WBP2NL: variants seen among roughly 807,000 people sequenced by gnomAD.
WBP2NL encodes WBP2 N-terminal like, also known as postacrosomal sheath WW domain-binding protein.
A neutral mutation model predicts 23.3 loss-of-function variants in WBP2NL; 27 were observed. The observed-to-expected ratio is 1.16, with a 90% confidence interval of 0.85 to 1.60. The LOEUF (loss-of-function observed/expected upper bound fraction) is 1.60. WBP2NL is among the 40% of genes most tolerant of loss of function. The pLI is 0.00. For missense variants in WBP2NL, 370 were observed against 389.5 expected (o/e 0.95, Z 0.42); for synonymous variants, 151 against 145.9 (o/e 1.03, Z -0.25).
chr22:42,039,355 C>T (rs1602476879), intron 8 of WBP2NL, among the ~76,000 whole-genome samples: 1 of 141,166 alleles, frequency 7.1e-6, no homozygotes, highest in Non-Finnish European at 1.5e-5. Context: ...GGATTACAGG[C>T]TTTTTTTTTT....
chr22:42,017,103 C>T (rs1369252882), intron 1 of WBP2NL, among the ~76,000 whole-genome samples: 1 of 152,172 alleles, frequency 6.6e-6, no homozygotes, highest in African/African-American at 2.4e-5. Flanking sequence ...ACCTTCACCT[C>T]TACCTACTGA....
At chr22:42,019,453 A>C (rs368225488) in intron 2 of WBP2NL, 34 bp downstream of exon 2, 22 of 1,594,090 alleles carry the variant, frequency 1.4e-5, no homozygotes, top group Non-Finnish European at 2.6e-6. Context: ...CTGCTGATTA[A>C]CTCTACATTT....
chr22:42,008,917 T>C (rs1230640061), intron 1 of WBP2NL, among the ~76,000 whole-genome samples: 1 of 152,244 alleles, frequency 6.6e-6, no homozygotes, highest in African/African-American at 2.4e-5. Context: ...TAGCTGGGAC[T>C]ACAGGTGTCC....
chr22:42,049,695 CAAAACAAAACAAAAAAAAAAAA>C (rs1209183840), intron 8 of WBP2NL, among the ~76,000 whole-genome samples: 5 of 22,878 alleles, frequency 2.2e-4, no homozygotes, highest in Admixed American at 5.7e-4. Context: ...GTCTCCAAAA[CAAAACAAAACAAAAAAAAAAAA>C]AAAAAAAAAA....
intron 5 of WBP2NL, 105 bp downstream of exon 5, chr22:42,022,461 T>C: frequency 9.6e-7 from 1 of 1,041,172 alleles, no homozygotes; most frequent in South Asian, 1.6e-5. Flanking sequence ...GCAGCAGAGC[T>C]TTAGGGGCTT....
downstream of WBP2NL, among the ~76,000 whole-genome samples, chr22:42,029,538 A>AT (rs1344061237): frequency 6.6e-6 from 1 of 151,682 alleles, no homozygotes; most frequent in East Asian, 1.9e-4. Context: ...TGCCCAGCTA[A>AT]TTTTTTTTAT....
At chr22:42,007,515 C>G (rs1439989937) in intron 1 of WBP2NL, among the ~76,000 whole-genome samples, 1 of 152,136 alleles carries the variant, frequency 6.6e-6, no homozygotes, top group Non-Finnish European at 1.5e-5. Flanking sequence ...CCCACTTCAC[C>G]ATACTTTTCC....
At chr22:42,011,601 G>A (rs1234657619) in intron 1 of WBP2NL, among the ~76,000 whole-genome samples, 1 of 152,016 alleles carries the variant, frequency 6.6e-6, no homozygotes, top group Admixed American at 6.6e-5. Context: ...TAATTGGTCT[G>A]TTTATATTTT....
At position 42,049,694 on chromosome 22, in the gene WBP2NL, AC is replaced by A. The variant is rs1569455096; in HGVS notation, c.*274-8595del. 1.8e-3 allele frequency among the ~76,000 whole-genome samples: 108 copies of A among 58,688 alleles called. 1 individual carries two copies. The highest frequency in any genetic ancestry group is 0.011 in the African/African-American group (83 of 7,528). 38.5% of individuals were successfully genotyped at this position (58,688 alleles called of 152,430 possible). On this transcript the variant is annotated intron_variant and NMD_transcript_variant, in intron 8 of 8. Transcript: ENST00000436265. Reference sequence around the variant, plus strand: ...GACAGAGCGAGACTCCGTCTCCAAAACAAAACAAAACAAAAAAAAAAAAAAA... The same window carrying A: ...GACAGAGCGAGACTCCGTCTCCAAAAAAAACAAAACAAAAAAAAAAAAAAA...
At position 42,008,290 on chromosome 22, in the gene WBP2NL, C is replaced by A. The variant is rs562248320; in HGVS notation, c.62+9410C>A. ...GCAGCAGGATCTTGGCTCATTGCAG[C>A]CTTAGCTTCCGGGGTTCAAGTGATT... On this transcript the variant is annotated intron_variant, in intron 1 of 5. Coordinates refer to ENST00000328823, the MANE Select transcript of WBP2NL (RefSeq NM_152613.3). Among the ~76,000 whole-genome samples, 7 of 150,430 alleles carry A rather than the reference C, an allele frequency of 4.7e-5. No homozygotes were observed. The South Asian group carries it at 1.5e-3, about 32-fold the overall frequency.
At chr22:42,042,623 T>G (rs1438002607) in intron 8 of WBP2NL, among the ~76,000 whole-genome samples, 1 of 152,260 alleles carries the variant, frequency 6.6e-6, no homozygotes, top group Non-Finnish European at 1.5e-5. Context: ...AAACAATTAT[T>G]GTGAATTTTT....
At chr22:42,009,381 A>G (rs1433494044) in intron 1 of WBP2NL, among the ~76,000 whole-genome samples, 2 of 152,124 alleles carry the variant, frequency 1.3e-5, no homozygotes, top group East Asian at 1.9e-4. Flanking sequence ...CCAAGAAGTC[A>G]TTGACAAGTC....
At chr22:42,029,917 T>C (rs1036383917), downstream of WBP2NL, 1 of 152,220 alleles carries the variant, frequency 6.6e-6, no homozygotes, top group Non-Finnish European at 1.5e-5. Flanking sequence ...TTTAAAAGTT[T>C]TAAATGCTTT....
At chr22:42,055,971 A>C (rs1300531982) in intron 8 of WBP2NL, among the ~76,000 whole-genome samples, 1 of 151,736 alleles carries the variant, frequency 6.6e-6, no homozygotes, top group Non-Finnish European at 1.5e-5. Flanking sequence ...TTGTGTGTGC[A>C]CTTGGGTGTG....
intron 8 of WBP2NL, among the ~76,000 whole-genome samples, chr22:42,048,165 T>C (rs1925671805): frequency 6.6e-6 from 1 of 151,654 alleles, no homozygotes; most frequent in Non-Finnish European, 1.5e-5. Flanking sequence ...CTCACACCTG[T>C]AATCCCAGCA....
At chr22:42,050,797 T>TA (rs149068329) in intron 8 of WBP2NL, among the ~76,000 whole-genome samples, 3,560 of 152,262 alleles carry the variant, frequency 0.023, 134 homozygotes, top group African/African-American at 0.082. Flanking sequence ...TTAAAACAGA[T>TA]ACTATTATAC....
rs1922037118 is a variant in WBP2NL at position 42,004,671 on chromosome 22, C to T, written c.62+5791C>T. On this transcript the variant is annotated intron_variant, in intron 1 of 5. Transcript: ENST00000328823. The stretch of plus-strand genomic sequence containing the variant: ...GGGCACAGTGGCTCACGGTTGTAAT[C>T]CCAGCACTTTGGGAGGCCAAAGTGG... Among the ~76,000 whole-genome samples, 7 of 152,162 alleles carry T rather than the reference C, an allele frequency of 4.6e-5. 1 individual carries two copies. The South Asian group carries it at 1.5e-3, about 32-fold the overall frequency.
intron 8 of WBP2NL, among the ~76,000 whole-genome samples, chr22:42,040,789 A>G (rs972945822): frequency 6.6e-6 from 1 of 152,180 alleles, no homozygotes; most frequent in Non-Finnish European, 1.5e-5. Context: ...TATTATTTCA[A>G]TCTTCTTAAA....
chr22:42,022,402 C>A, intron 5 of WBP2NL, 46 bp downstream of exon 5: 1 of 1,508,534 alleles, frequency 6.6e-7, no homozygotes, highest in Non-Finnish European at 9.1e-7. Flanking sequence ...GAAAATTATG[C>A]CAGAGGCTCA....
Sources: allele counts gnomAD v4.1 joint callset (sites outside exome capture counted in the v4.1 genomes callset), GRCh38; gene constraint gnomAD v4.1.1; transcripts MANE v1.5; gene names NCBI Gene and HGNC (gene_info 2026-07-23, HGNC 2026-07-21).